The following FBP2 variants were observed in gnomAD, a reference collection of about 807,000 sequenced individuals.
FBP2 encodes the protein fructose-1,6-bisphosphatase isozyme 2.
FBP2 carries 27 observed loss-of-function variants against 31.6 expected under a neutral mutation model. That is an observed-to-expected ratio of 0.85 (90% CI 0.63 to 1.18). The LOEUF is 1.18. FBP2 is among the 50% of genes most tolerant of loss of function. The pLI is 0.00. For synonymous variants in FBP2, 168 were observed against 179.8 expected (o/e 0.93, Z 0.53); for missense variants, 421 against 436.1 (o/e 0.97, Z 0.31).
intron 6 of FBP2, among the ~76,000 whole-genome samples, chr9:94,561,352 A>ACTTTTTTTTTTT (rs1827097696): frequency 3.6e-5 from 2 of 54,990 alleles, no homozygotes; most frequent in African/African-American, 7.8e-5. Flanking sequence ...TGTGACCTGT[A>ACTTTTTTTTTTT]TTTTTTTTTT....
chr9:94,583,789 G>T (rs1827396134), intron 3 of FBP2, among the ~76,000 whole-genome samples: 1 of 152,150 alleles, frequency 6.6e-6, no homozygotes, highest in Non-Finnish European at 1.5e-5. Flanking sequence ...AGTAGAGACG[G>T]GGTTTCACCA....
At chr9:94,566,323 G>A (rs560472855) in intron 5 of FBP2, among the ~76,000 whole-genome samples, 1 of 152,234 alleles carries the variant, frequency 6.6e-6, no homozygotes, top group East Asian at 1.9e-4. Flanking sequence ...ACCGGAATGA[G>A]GGCAAGGAAC....
At position 94,563,575 on chromosome 9, in the gene FBP2, C is replaced by G. The variant is rs190147315; in HGVS notation, c.706-114G>C. On this transcript the variant is annotated intron_variant, in intron 5 of 6. Transcript: ENST00000375337. ...CTCTGCCTTCTTGAATCCCTATCCT[C>G]CACCCACTAGTGTAGGAATTGAAAA... The G allele has an allele frequency of 1.3e-5, 14 of 1,117,266 alleles. No homozygotes were observed. In the South Asian group the frequency reaches 1.8e-4, roughly 14 times the overall value. 69.2% of individuals were successfully genotyped at this position (1,117,266 alleles called of 1,614,324 possible). A position where few individuals can be genotyped will look rare whatever the true frequency, so the allele number is the denominator to read the frequency against.
chr9:94,563,555 C>A, intron 5 of FBP2, 94 bp from the exon 6 acceptor site: 1 of 1,401,898 alleles, frequency 7.1e-7, no homozygotes, highest in Non-Finnish European at 9.8e-7. Flanking sequence ...GTGACCTCTG[C>A]CTTCTTGAAT....
Position 94,580,735 on chromosome 9 carries a change from C to A in FBP2, c.426+3842G>T, listed in dbSNP as rs1265638012. Among the ~76,000 whole-genome samples the A allele has an allele frequency of 2.6e-5, 4 of 152,164 alleles. No individual in the cohort carries two copies. The South Asian group carries it at 6.2e-4, about 24-fold the overall frequency. Reference sequence around the variant, plus strand: ...AGGTTTTAAAATCATTTTACAGGTTCCAGACAGGTCAAAGTCTCTAGTATC... The same window carrying A: ...AGGTTTTAAAATCATTTTACAGGTTACAGACAGGTCAAAGTCTCTAGTATC... On this transcript the variant is annotated intron_variant, in intron 3 of 6. Transcript: ENST00000375337.
intron 6 of FBP2, among the ~76,000 whole-genome samples, chr9:94,561,314 G>A (rs989645062): frequency 3.4e-5 from 5 of 147,006 alleles, no homozygotes; most frequent in Admixed American, 1.4e-4. Context: ...AGGGCTTCAT[G>A]GCACCTTGGC....
At chr9:94,564,214 T>C (rs1386658019) in intron 5 of FBP2, among the ~76,000 whole-genome samples, 2 of 152,034 alleles carry the variant, frequency 1.3e-5, no homozygotes, top group African/African-American at 2.4e-5. Flanking sequence ...TACAGTAAAA[T>C]TGGAACACAC....
chr9:94,587,010 C>T (rs1827434441), intron 2 of FBP2, among the ~76,000 whole-genome samples: 1 of 152,218 alleles, frequency 6.6e-6, no homozygotes, highest in South Asian at 2.1e-4. Flanking sequence ...AAGGTTAAGC[C>T]CCCAAAAATT....
chr9:94,576,501 G>T (rs955561661), intron 3 of FBP2: 2 of 152,322 alleles, frequency 1.3e-5, no homozygotes, highest in Non-Finnish European at 2.9e-5. Context: ...GACAGGGCCT[G>T]TGGGGCTGCC....
At chr9:94,570,332 G>C (rs990207388) in intron 4 of FBP2, 1 of 152,172 alleles carries the variant, frequency 6.6e-6, no homozygotes, top group Non-Finnish European at 1.5e-5. Flanking sequence ...CAGACTGCTG[G>C]AGCATGACTC....
rs1261220314 is a variant in FBP2, at chr9:94,584,811, G to T, written c.334-142C>A. Reference sequence around the variant, plus strand: ...GCATATCTTTATCAAAAAACACCATGACTTACGGAGGGCAGGGTGCCAGTT... The same window carrying T: ...GCATATCTTTATCAAAAAACACCATTACTTACGGAGGGCAGGGTGCCAGTT... On this transcript the variant is annotated intron_variant, in intron 2 of 6. Transcript: ENST00000375337. 1.1e-5 allele frequency: 7 copies of T among 637,044 alleles called. No individual in the cohort carries two copies. In the Admixed American group the frequency reaches 1.7e-4, roughly 16 times the overall value. 39.5% of individuals were successfully genotyped at this position (637,044 alleles called of 1,614,324 possible).
chr9:94,559,241 A>C (rs1827057627), intron 6 of FBP2, 109 bp from the exon 7 acceptor site: 1 of 896,054 alleles, frequency 1.1e-6, no homozygotes, highest in Non-Finnish European at 1.7e-6. Context: ...CCATCTGGCT[A>C]GCATGAGCGC....
At chr9:94,586,113 C>T (rs192706499) in intron 2 of FBP2, among the ~76,000 whole-genome samples, 1 of 152,260 alleles carries the variant, frequency 6.6e-6, no homozygotes, top group African/African-American at 2.4e-5. Flanking sequence ...TGGTGGCTCA[C>T]GCCTGTAATC....
chr9:94,584,764 C>A, intron 2 of FBP2, 95 bp from the exon 3 acceptor site: 2 of 741,810 alleles, frequency 2.7e-6, no homozygotes, highest in Non-Finnish European at 2.4e-6. Context: ...TACACCACAT[C>A]AAAAAGAGAT....
intron 6 of FBP2, among the ~76,000 whole-genome samples, chr9:94,563,002 G>T (rs1023521855): frequency 1.2e-4 from 18 of 152,146 alleles, no homozygotes; most frequent in Non-Finnish European, 5.9e-5. Flanking sequence ...TCCCTATAGG[G>T]ACCATCATCC....
intron 4 of FBP2, chr9:94,569,735 C>G (rs1702177846): frequency 1.3e-5 from 2 of 152,188 alleles, no homozygotes; most frequent in Admixed American, 6.5e-5. Flanking sequence ...TAAATGAATG[C>G]CTTGACATTG....
Position 94,558,829 on chromosome 9 carries a change from G to A in FBP2, c.*109C>T. 1 of 1,032,758 alleles carries A rather than the reference G, an allele frequency of 9.7e-7. No homozygotes were observed. The highest frequency in any genetic ancestry group is 1.4e-5 in the South Asian group (1 of 72,066). 64.0% of individuals were successfully genotyped at this position (1,032,758 alleles called of 1,614,324 possible). On this transcript the variant is annotated 3_prime_UTR_variant, in exon 7 of 7. Coordinates refer to ENST00000375337, the MANE Select transcript of FBP2 (RefSeq NM_003837.4). ...TTGTTGCTCTTCTGTATGTGATTAA[G>A]TGGATTTACCTTTTGTATACTCATA...
chr9:94,588,931 C>A (rs1159308546), intron 1 of FBP2, among the ~76,000 whole-genome samples: 1 of 152,204 alleles, frequency 6.6e-6, no homozygotes. Context: ...GCTGCCCCAC[C>A]TGGGACACTC....
chr9:94,558,745 A>T lies in FBP2; in HGVS notation c.*193T>A. 1.7e-6 allele frequency: 1 copy of T among 572,708 alleles called. No homozygotes were observed. Among genetic ancestry groups the T allele is most frequent in the Non-Finnish European group, 3.1e-6 (1 of 324,640 alleles). 35.5% of individuals were successfully genotyped at this position (572,708 alleles called of 1,614,324 possible). A position where few individuals can be genotyped will look rare whatever the true frequency, so the allele number is the denominator to read the frequency against. ...TTTCCACATGTGGGTTTTTATTTCT[A>T]GTCCTTCACATTGACCATAGAATCG... is the stretch of plus-strand genomic sequence containing the variant. On this transcript the variant is annotated 3_prime_UTR_variant, in exon 7 of 7. Coordinates refer to ENST00000375337, the MANE Select transcript of FBP2 (RefSeq NM_003837.4).
Sources: gnomAD v4.1 joint callset for allele counts (sites outside exome capture counted in the v4.1 genomes callset) on GRCh38, gnomAD v4.1.1 for gene constraint, MANE v1.5 for transcripts, NCBI Gene and HGNC (gene_info 2026-07-23, HGNC 2026-07-21) for gene names.